MYOM2: variants seen among roughly 807,000 people sequenced by gnomAD.
The protein encoded by MYOM2 is myomesin-2.
In MYOM2, 254 loss-of-function variants were observed where a neutral mutation model predicts 187.6. The observed-to-expected ratio is 1.35, with a 90% CI of 1.22 to 1.50. The LOEUF (loss-of-function observed/expected upper bound fraction) is 1.50. MYOM2 is among the 40% of genes most tolerant of loss of function. The pLI is 0.00. For missense variants in MYOM2, 2,796 were observed against 1,924.0 expected (o/e 1.45, Z -8.48); for synonymous variants, 981 against 753.8 (o/e 1.30, Z -4.94).
At chr8:2,101,505 G>A in intron 20 of MYOM2, among the ~76,000 whole-genome samples, 1 of 152,212 alleles carries the variant, frequency 6.6e-6, no homozygotes, top group East Asian at 1.9e-4. Context: ...GATGACCGGG[G>A]CGTGGCTGCT....
intron 32 of MYOM2, among the ~76,000 whole-genome samples, chr8:2,139,734 T>C (rs62480019): frequency 0.017 from 2,627 of 152,278 alleles, 54 homozygotes; most frequent in East Asian, 0.045. Flanking sequence ...TTCATGCACC[T>C]GTGACTATGA....
chr8:2,143,563 CCTCA>C (rs2116928730), intron 36 of MYOM2, 107 bp downstream of exon 36: 2 of 1,354,782 alleles, frequency 1.5e-6, no homozygotes, highest in African/African-American at 1.4e-5. Context: ...GCTTCTGTGT[CCTCA>C]CTCAGCCTGC....
At position 2,057,489 on chromosome 8, in the gene MYOM2, A is replaced by T. The variant is rs1386084570; in HGVS notation, c.402+3A>T. ...ACAAATACGCCATTCAGCAGATGGT[A>T]GGAGGGTCTCAGGGTGGCTGGGTGT... is the stretch of plus-strand genomic sequence containing the variant. On this transcript the variant is annotated splice_donor_region_variant and intron_variant, in intron 4 of 36. Transcript: ENST00000262113. The T allele has an allele frequency of 1.2e-6, 2 of 1,613,844 alleles. No homozygotes were observed. Among genetic ancestry groups the T allele is most frequent in the African/African-American group, 2.7e-5 (2 of 74,912 alleles).
intron 3 of MYOM2, among the ~76,000 whole-genome samples, chr8:2,057,009 C>T (rs530397356): frequency 6.6e-6 from 1 of 152,186 alleles, no homozygotes; most frequent in Non-Finnish European, 1.5e-5. Flanking sequence ...TTTTGCTGCT[C>T]ACGGTAATTC....
intron 6 of MYOM2, among the ~76,000 whole-genome samples, chr8:2,068,454 G>A (rs1819097028): frequency 6.7e-6 from 1 of 149,218 alleles, no homozygotes; most frequent in Non-Finnish European, 1.5e-5. Context: ...ATGCCCGTGT[G>A]CACCAGGCGG....
chr8:2,099,293 G>T (rs1796604411), intron 19 of MYOM2, among the ~76,000 whole-genome samples: 1 of 152,208 alleles, frequency 6.6e-6, no homozygotes, highest in Non-Finnish European at 1.5e-5. Flanking sequence ...TGCATCCCCT[G>T]ACCTATGACA....
chr8:2,106,113 A>G, intron 21 of MYOM2, 129 bp from the exon 22 acceptor site: 1 of 920,614 alleles, frequency 1.1e-6, no homozygotes, highest in Admixed American at 2.5e-5. Context: ...CTCCCTCTAC[A>G]CTTGGGGATT....
chr8:2,084,946 C>T (rs539161422), intron 13 of MYOM2: 1 of 328,546 alleles, frequency 3.0e-6, no homozygotes, highest in African/African-American at 2.1e-5. Context: ...GTCAGAGCCC[C>T]ATTTCGGGTG....
chr8:2,085,468 G>A lies in MYOM2; in HGVS notation c.1644+78G>A, dbSNP rs540885595. On this transcript the variant is annotated intron_variant, in intron 14 of 36. Transcript: ENST00000262113. ...TGTCATGATCTCTGCGTGGCCCACC[G>A]CTGTCGTGATCTCCGCGTGGCCCCT... 9,908 of 1,414,780 alleles carry A rather than the reference G, an allele frequency of 7.0e-3. 697 individuals carry two copies. Among genetic ancestry groups the A allele is most frequent in the African/African-American group, 0.028 (1,557 of 55,950 alleles). 87.6% of individuals were successfully genotyped at this position (1,414,780 alleles called of 1,614,324 possible).
intron 9 of MYOM2, among the ~76,000 whole-genome samples, chr8:2,073,093 G>T (rs922407448): frequency 2.0e-5 from 3 of 152,200 alleles, no homozygotes; most frequent in African/African-American, 7.2e-5. Context: ...GCTGGCGGCC[G>T]CTCGCAGCAC....
chr8:2,134,063 TTATAA>T (rs1797971692), intron 32 of MYOM2, among the ~76,000 whole-genome samples: 2 of 151,884 alleles, frequency 1.3e-5, no homozygotes, highest in African/African-American at 4.8e-5. Context: ...TGTACCCACC[TTATAA>T]CCATCAAAAC....
At position 2,102,660 on chromosome 8, in the gene MYOM2, T is replaced by A; in HGVS notation, c.2620-7T>A. On this transcript the variant is annotated splice_region_variant and splice_polypyrimidine_tract_variant and intron_variant, in intron 20 of 36. Coordinates refer to ENST00000262113, the MANE Select transcript of MYOM2 (RefSeq NM_003970.4). ...CACACATCTGGTGTTTCCTCTGTTG[T>A]TTCAAGGTCTCTGACCTGCAGCAAG... 1 of 1,596,730 alleles carries A rather than the reference T, an allele frequency of 6.3e-7. No individual in the cohort carries two copies. Among genetic ancestry groups the A allele is most frequent in the Non-Finnish European group, 8.6e-7 (1 of 1,165,770 alleles).
Position 2,070,325 on chromosome 8 carries a change from G to A in MYOM2, c.793+828G>A, listed in dbSNP as rs576917735. ...ACGTGCTGGGAGTGGAGAGTTGACC[G>A]AAGCAACGATGGAGGGTGGAGCCTC... On this transcript the variant is annotated intron_variant, in intron 8 of 36. Coordinates refer to ENST00000262113, the MANE Select transcript of MYOM2 (RefSeq NM_003970.4). 4.5e-3 allele frequency among the ~76,000 whole-genome samples: 682 copies of A among 152,370 alleles called. 9 individuals carry two copies. The highest frequency in any genetic ancestry group is 0.015 in the South Asian group (73 of 4,830).
chr8:2,057,838 G>T (rs879259666), intron 5 of MYOM2, 58 bp downstream of exon 5: 3 of 1,577,592 alleles, frequency 1.9e-6, no homozygotes, highest in Non-Finnish European at 2.6e-6. Context: ...CTTTCAGAAA[G>T]ACCCCAGTTA....
intron 31 of MYOM2, chr8:2,127,959 T>G (rs1797715005): frequency 6.6e-6 from 1 of 152,296 alleles, no homozygotes. Context: ...ACAGTTTCTA[T>G]TTTGGTTTCT....
Position 2,116,272 on chromosome 8 carries a change from C to G in MYOM2, c.3382C>G (p.Gln1128Glu), listed in dbSNP as rs201552817. The G allele has an allele frequency of 6.2e-7, 1 of 1,612,780 alleles. No homozygotes were observed. Among genetic ancestry groups the G allele is most frequent in the Non-Finnish European group, 8.5e-7 (1 of 1,179,320 alleles). ...TCAAAGGAAAGAATTTCTCAGGAAA[C>G]AAGGTGAGTTTCCTCACTCTGACCG... ...EFQRKEFLRKQGPHFAEYLHW... is the reference protein window; with the variant it reads ...EFQRKEFLRKEGPHFAEYLHW... Residue 1128 changes from glutamine to glutamate, a missense_variant, in exon 27 of 37, where the codon CAA (glutamine) becomes GAA (glutamate). Transcript: ENST00000262113.
intron 5 of MYOM2, among the ~76,000 whole-genome samples, chr8:2,057,982 A>G (rs1309742646): frequency 7.0e-6 from 1 of 143,706 alleles, no homozygotes; most frequent in African/African-American, 2.6e-5. Flanking sequence ...CATTGAGTCA[A>G]CAAATTTTTC....
Position 2,143,385 on chromosome 8 carries a change from T to G in MYOM2, c.4025-16T>G, listed in dbSNP as rs1798346422. On this transcript the variant is annotated splice_polypyrimidine_tract_variant and intron_variant, in intron 35 of 36. Coordinates refer to ENST00000262113, the MANE Select transcript of MYOM2 (RefSeq NM_003970.4). ...CCCGCAGATGTTTTCCTAACCAAGG[T>G]GCTTTCCCGTTGCAGATCGTGGCAG... The G allele has an allele frequency of 6.2e-7, 1 of 1,614,186 alleles. No homozygotes were observed. Among genetic ancestry groups the G allele is most frequent in the East Asian group, 2.2e-5 (1 of 44,868 alleles).
In MYOM2 at chr8:2,142,229, C is replaced by T. The variant is rs1798297961; in HGVS notation, c.4002-146C>T. 3 of 823,002 alleles carry T rather than the reference C, an allele frequency of 3.6e-6. No individual in the cohort carries two copies. In the Admixed American group the frequency reaches 5.9e-5, roughly 16 times the overall value. The allele number at this position is 823,002 out of a possible 1,614,324, so 51.0% of individuals were successfully genotyped here. On this transcript the variant is annotated intron_variant, in intron 34 of 36. Transcript: ENST00000262113. ...GATATCCATCCTGGGGTCCTGTGACCCGAACATGTTCTTCTAAGAGAATGC... is the reference window on the plus strand; with the variant it reads ...GATATCCATCCTGGGGTCCTGTGACTCGAACATGTTCTTCTAAGAGAATGC...
Sources: allele counts gnomAD v4.1 joint callset (sites outside exome capture counted in the v4.1 genomes callset), GRCh38; gene constraint gnomAD v4.1.1; transcripts MANE v1.5; gene names NCBI Gene and HGNC (gene_info 2026-07-23, HGNC 2026-07-21).